RANBP2: variants seen among roughly 807,000 people sequenced by gnomAD.
The protein encoded by RANBP2 is RAN binding protein 2.
In RANBP2, 57 loss-of-function variants were observed where a neutral mutation model predicts 303.6. The ratio of observed to expected loss-of-function variants is 0.19; its 90% CI spans 0.15 to 0.23. The LOEUF (loss-of-function observed/expected upper bound fraction) is 0.23, where lower values mean the gene tolerates loss of function less well. RANBP2 is among the 10% of genes least tolerant of loss of function. The pLI, the probability that RANBP2 is intolerant of heterozygous loss-of-function variation, is 1.00. For synonymous variants in RANBP2, 1,167 were observed against 1,301.5 expected, an observed-to-expected ratio of 0.90 and a Z score of 2.23; for missense variants, 3,138 against 3,780.8, an observed-to-expected ratio of 0.83 and a Z score of 4.46.
the RANBP2 span, among the ~76,000 whole-genome samples, chr2:109,053,802 T>G: frequency 6.6e-6 from 1 of 152,180 alleles, no homozygotes; most frequent in African/African-American, 2.4e-5. Flanking sequence ...TTCTCCGGCT[T>G]GAAGTCTGAA....
the RANBP2 span, among the ~76,000 whole-genome samples, chr2:109,166,952 C>T: frequency 6.6e-6 from 1 of 152,150 alleles, no homozygotes; most frequent in Admixed American, 6.5e-5. Flanking sequence ...ATAAATCTAC[C>T]TTCTTGTAAA....
chr2:109,080,833 A>G, the RANBP2 span, among the ~76,000 whole-genome samples: 2 of 152,234 alleles, frequency 1.3e-5, no homozygotes, highest in African/African-American at 4.8e-5. Context: ...TGTATTAATT[A>G]GAACTCTCTG....
At chr2:109,282,189 T>A in the RANBP2 span, among the ~76,000 whole-genome samples, 1 of 152,148 alleles carries the variant, frequency 6.6e-6, no homozygotes, top group Non-Finnish European at 1.5e-5. Context: ...TTTTATCTTG[T>A]TGCCATGAGT....
Position 108,763,548 on chromosome 2 carries a change from A to C in RANBP2, c.3009A>C (p.Lys1003Asn). The stretch of plus-strand genomic sequence containing the variant: ...AATCTAAGACTATAGAATTTGGGAA[A>C]ACTAATTTTGTTCAGCCCATGCCGG... ...SAESKTIEFGKTNFVQPMPGE... is the reference protein window; with the variant it reads ...SAESKTIEFGNTNFVQPMPGE... The change falls in exon 20 of 29, where the codon AAA becomes AAC. Residue 1003 changes from lysine to asparagine, a missense_variant. Coordinates refer to ENST00000283195, the MANE Select transcript of RANBP2 (RefSeq NM_006267.5). The C allele has an allele frequency of 6.2e-7, 1 of 1,614,144 alleles. No homozygotes were observed. The highest frequency in any genetic ancestry group is 8.5e-7 in the Non-Finnish European group (1 of 1,180,006).
chr2:109,078,938 C>A, the RANBP2 span, among the ~76,000 whole-genome samples: 2 of 152,000 alleles, frequency 1.3e-5, no homozygotes, highest in Admixed American at 1.3e-4. Context: ...TTGCAGTGAG[C>A]CGAGATCGCA....
downstream of RANBP2, among the ~76,000 whole-genome samples, chr2:108,790,301 A>G (rs544367704): frequency 1.3e-5 from 2 of 152,294 alleles, no homozygotes; most frequent in Non-Finnish European, 2.9e-5. Context: ...TTTCTTTTTA[A>G]CTGAGTTTTA....
chr2:109,296,941 G>A, the RANBP2 span, among the ~76,000 whole-genome samples: 24 of 152,104 alleles, frequency 1.6e-4, no homozygotes, highest in Non-Finnish European at 3.4e-4. Context: ...GATTAACTAG[G>A]CCTGGGGACC....
At chr2:108,880,074 A>G in the RANBP2 span, among the ~76,000 whole-genome samples, 3 of 152,186 alleles carry the variant, frequency 2.0e-5, no homozygotes, top group Non-Finnish European at 1.5e-5. Flanking sequence ...AATCCAAAGC[A>G]AAAGAAAACA....
the RANBP2 span, among the ~76,000 whole-genome samples, chr2:108,931,225 G>C: frequency 1.3e-5 from 2 of 152,376 alleles, no homozygotes; most frequent in Non-Finnish European, 2.9e-5. Context: ...GGCCTTCCCA[G>C]CCTCGCAGCC....
At chr2:109,459,476 G>A in the RANBP2 span, among the ~76,000 whole-genome samples, 1 of 152,130 alleles carries the variant, frequency 6.6e-6, no homozygotes, top group East Asian at 1.9e-4. Flanking sequence ...GTCTGGATTG[G>A]GTGGTTATAG....
the RANBP2 span, among the ~76,000 whole-genome samples, chr2:109,423,627 G>A: frequency 2.6e-5 from 4 of 152,290 alleles, no homozygotes; most frequent in African/African-American, 4.8e-5. Flanking sequence ...GGCTTGGAAC[G>A]AAGGCCTGGA....
At chr2:109,088,192 A>G in the RANBP2 span, among the ~76,000 whole-genome samples, 8 of 151,956 alleles carry the variant, frequency 5.3e-5, no homozygotes, top group Non-Finnish European at 1.2e-4. Context: ...AGGTCAAGAG[A>G]TCAAGACCAT....
chr2:109,580,618 T>C, the RANBP2 span, among the ~76,000 whole-genome samples: 2 of 152,140 alleles, frequency 1.3e-5, no homozygotes, highest in African/African-American at 2.4e-5. Context: ...CAGTCCAGCA[T>C]TAACAATGAA....
chr2:109,615,095 C>G, the RANBP2 span: 1 of 1,549,730 alleles, frequency 6.5e-7, no homozygotes, highest in Non-Finnish European at 8.7e-7. Flanking sequence ...GGCCGGCCCG[C>G]CAGAACCTCC....
At chr2:108,877,122 A>T in the RANBP2 span, among the ~76,000 whole-genome samples, 1 of 152,216 alleles carries the variant, frequency 6.6e-6, no homozygotes, top group Admixed American at 6.5e-5. Context: ...AGAAACAGAA[A>T]GCCATAATGA....
At chr2:109,297,382 G>GC in the RANBP2 span, among the ~76,000 whole-genome samples, 4 of 152,066 alleles carry the variant, frequency 2.6e-5, no homozygotes, top group Non-Finnish European at 5.9e-5. Flanking sequence ...GAGAGATTCT[G>GC]CCCCCCAGGG....
chr2:108,811,802 T>A, the RANBP2 span, among the ~76,000 whole-genome samples: 1 of 152,144 alleles, frequency 6.6e-6, no homozygotes, highest in Non-Finnish European at 1.5e-5. Flanking sequence ...TATCTGTTAT[T>A]TCCATCTTTA....
At chr2:109,059,314 G>A in the RANBP2 span, among the ~76,000 whole-genome samples, 5 of 152,154 alleles carry the variant, frequency 3.3e-5, no homozygotes, top group East Asian at 1.9e-4. Context: ...GGTGGCTCAC[G>A]CCTGTAATCC....
the RANBP2 span, among the ~76,000 whole-genome samples, chr2:108,924,537 T>G: frequency 6.6e-6 from 1 of 152,238 alleles, no homozygotes; most frequent in South Asian, 2.1e-4. Flanking sequence ...TTTCCATGGC[T>G]GCTTTCTAAT....
Sources: allele counts gnomAD v4.1 joint callset (sites outside exome capture counted in the v4.1 genomes callset), GRCh38; gene constraint gnomAD v4.1.1; transcripts MANE v1.5; gene names NCBI Gene and HGNC (gene_info 2026-07-23, HGNC 2026-07-21).